The following PCDHGA5 variants were observed in gnomAD, a reference collection of about 807,000 sequenced individuals.
The protein encoded by PCDHGA5 is protocadherin gamma subfamily A, 5, also known as protocadherin gamma-A5.
In PCDHGA5, 36 loss-of-function variants were observed where a neutral mutation model predicts 56.7. The observed-to-expected ratio is 0.64, with a 90% CI of 0.49 to 0.84. The LOEUF is 0.84. Among genes scored for constraint, PCDHGA5 ranks in the 40% least tolerant of loss-of-function variants. The pLI is 0.00. For synonymous variants in PCDHGA5, 563 were observed against 520.2 expected, an observed-to-expected ratio of 1.08 and a Z score of -1.12; for missense variants, 1,305 against 1,201.5, an observed-to-expected ratio of 1.09 and a Z score of -1.27.
chr5:141,464,980 GATCCT>G (rs2154568684), intron 1 of PCDHGA5, among the ~76,000 whole-genome samples: 1 of 151,990 alleles, frequency 6.6e-6, no homozygotes, highest in East Asian at 1.9e-4. Flanking sequence ...GGCTTCAAGT[GATCCT>G]CCCACCTCAG....
rs144482292 is a variant in PCDHGA5 at position 141,385,630 on chromosome 5, C to T, written c.2421+18879C>T. 4.8e-3 allele frequency: 4,617 copies of T among 957,834 alleles called. 22 individuals are homozygous for T. The highest frequency in any genetic ancestry group is 0.011 in the Admixed American group (240 of 22,730). The allele number at this position is 957,834 out of a possible 1,614,324, so 59.3% of individuals were successfully genotyped here. ...ATATATTTTATACATTGGAATGAAT[C>T]GAGTCTTTCATATTGCACAAGGTTA... is the stretch of plus-strand genomic sequence containing the variant. On this transcript the variant is annotated intron_variant, in intron 1 of 3. Coordinates refer to ENST00000518069, the MANE Select transcript of PCDHGA5 (RefSeq NM_018918.3).
intron 1 of PCDHGA5, chr5:141,433,169 C>T: frequency 6.2e-7 from 1 of 1,613,000 alleles, no homozygotes; most frequent in Non-Finnish European, 8.5e-7. Context: ...TAAAGACAGT[C>T]ATGGGTTAAT....
At chr5:141,484,047 TC>T (rs1351554084) in intron 1 of PCDHGA5, among the ~76,000 whole-genome samples, 1 of 151,912 alleles carries the variant, frequency 6.6e-6, no homozygotes, top group African/African-American at 2.4e-5. Context: ...CTCCAAGAGG[TC>T]CCCTGGGGCT....
Position 141,459,563 on chromosome 5 carries a change from C to T in PCDHGA5, c.2422-35244C>T, listed in dbSNP as rs1382676727. On this transcript the variant is annotated intron_variant, in intron 1 of 3. Coordinates refer to ENST00000518069, the MANE Select transcript of PCDHGA5 (RefSeq NM_018918.3). ...TTTTATTTCTCTTGGATAAATACCCCAAAACAGAATTGTTTTGGGGGTCAT... is the reference window on the plus strand; with the variant it reads ...TTTTATTTCTCTTGGATAAATACCCTAAAACAGAATTGTTTTGGGGGTCAT... Among the ~76,000 whole-genome samples, 21 of 152,044 alleles carry T rather than the reference C, an allele frequency of 1.4e-4. 1 individual carries two copies.
intron 1 of PCDHGA5, chr5:141,419,596 G>T: frequency 6.2e-7 from 1 of 1,611,682 alleles, no homozygotes; most frequent in Non-Finnish European, 8.5e-7. Flanking sequence ...ACACAGTGCC[G>T]CGGGCCGCGC....
At chr5:141,394,019 T>C in intron 1 of PCDHGA5, 1 of 1,613,522 alleles carries the variant, frequency 6.2e-7, no homozygotes, top group Non-Finnish European at 8.5e-7. Flanking sequence ...GTAATTATTA[T>C]AGATTAGTGA....
chr5:141,423,009 G>T (rs371209178), intron 1 of PCDHGA5: 3 of 1,614,222 alleles, frequency 1.9e-6, no homozygotes, highest in Non-Finnish European at 2.5e-6. Context: ...AGGTGGTTGC[G>T]GTGGACAAAG....
rs755091154 is a variant in PCDHGA5 at position 141,402,943 on chromosome 5, C to T, written c.2421+36192C>T. The stretch of plus-strand genomic sequence containing the variant: ...AGATCCTTTTGAGAAAATTCCAAAG[C>T]GAGGCAGCAATGGCAGCTCCAACCA... On this transcript the variant is annotated intron_variant, in intron 1 of 3. Transcript: ENST00000518069. 1.1e-5 allele frequency: 17 copies of T among 1,590,762 alleles called. No individual in the cohort carries two copies. The African/African-American group carries it at 2.0e-4, about 19-fold the overall frequency.
intron 1 of PCDHGA5, chr5:141,478,600 C>T (rs762531135): frequency 6.4e-7 from 1 of 1,565,134 alleles, no homozygotes. Context: ...ATTCCTACAT[C>T]ATATTGAGGA....
intron 1 of PCDHGA5, among the ~76,000 whole-genome samples, chr5:141,373,280 A>G (rs1187870137): frequency 6.6e-6 from 1 of 152,242 alleles, no homozygotes; most frequent in Non-Finnish European, 1.5e-5. Context: ...GATGTTGCCT[A>G]TGTCAGGGCA....
intron 1 of PCDHGA5, chr5:141,372,279 G>A: frequency 6.2e-7 from 1 of 1,613,176 alleles, no homozygotes; most frequent in Middle Eastern, 1.7e-4. Context: ...GGTGCGCACG[G>A]CGCGTACCTT....
At chr5:141,454,811 T>TTTTTA (rs1284435092) in intron 1 of PCDHGA5, among the ~76,000 whole-genome samples, 4 of 125,862 alleles carry the variant, frequency 3.2e-5, no homozygotes, top group African/African-American at 1.3e-4. Context: ...TTTTTTTTTT[T>TTTTTA]TTTTTTTTTT....
chr5:141,382,652 G>A, intron 1 of PCDHGA5: 1 of 410,070 alleles, frequency 2.4e-6, no homozygotes, highest in Non-Finnish European at 4.3e-6. Flanking sequence ...AACTTAGTAA[G>A]GACTCACAGC....
In PCDHGA5 at chr5:141,511,599, C is replaced by G; in HGVS notation, c.*426C>G. 4.0e-6 allele frequency: 1 copy of G among 252,540 alleles called. No homozygotes were observed. Among genetic ancestry groups the G allele is most frequent in the South Asian group, 5.2e-5 (1 of 19,398 alleles). 15.6% of individuals were successfully genotyped at this position (252,540 alleles called of 1,614,324 possible). ...GTTGGGGTGTTGAAGTACCAAGTAA[C>G]CTACAAGCCTCCTAGTTCTGAAAAG... On this transcript the variant is annotated 3_prime_UTR_variant, in exon 4 of 4. Coordinates refer to ENST00000518069, the MANE Select transcript of PCDHGA5 (RefSeq NM_018918.3).
At chr5:141,457,878 C>A (rs1263626843) in intron 1 of PCDHGA5, among the ~76,000 whole-genome samples, 1 of 152,190 alleles carries the variant, frequency 6.6e-6, no homozygotes, top group East Asian at 1.9e-4. Context: ...GGTTAGGAAC[C>A]CTGTGTGGGG....
chr5:141,473,988 G>A (rs1006988447), intron 1 of PCDHGA5, among the ~76,000 whole-genome samples: 1 of 152,118 alleles, frequency 6.6e-6, no homozygotes, highest in African/African-American at 2.4e-5. Flanking sequence ...AGGATCCCTT[G>A]AGCCCAAGGA....
chr5:141,495,973 A>C (rs2099764953), intron 2 of PCDHGA5, among the ~76,000 whole-genome samples: 1 of 146,988 alleles, frequency 6.8e-6, no homozygotes, highest in African/African-American at 2.5e-5. Context: ...TTTCTCTGTT[A>C]CTCTTTCTTT....
chr5:141,375,058 A>G (rs1346702145), intron 1 of PCDHGA5: 1 of 1,613,948 alleles, frequency 6.2e-7, no homozygotes, highest in Non-Finnish European at 8.5e-7. Flanking sequence ...GGGATGGGCC[A>G]GGTCTTCGAG....
chr5:141,377,551 G>T (rs949060522), intron 1 of PCDHGA5: 3 of 151,380 alleles, frequency 2.0e-5, no homozygotes, highest in African/African-American at 7.3e-5. Flanking sequence ...AGATATAATT[G>T]TGTCACTGCA....
Sources: allele counts gnomAD v4.1 joint callset (sites outside exome capture counted in the v4.1 genomes callset), GRCh38; gene constraint gnomAD v4.1.1; transcripts MANE v1.5; gene names NCBI Gene and HGNC (gene_info 2026-07-23, HGNC 2026-07-21).